NSD1: variants seen among roughly 807,000 people sequenced by gnomAD.
The protein encoded by NSD1 is nuclear receptor binding SET domain protein 1.
A neutral mutation model predicts 242.7 loss-of-function variants in NSD1; 26 were observed. That is an observed-to-expected ratio of 0.11 (90% CI 0.08 to 0.15). The LOEUF (loss-of-function observed/expected upper bound fraction) is 0.15, where lower values mean the gene tolerates loss of function less well. Ranked by LOEUF, NSD1 falls within the 10% of genes least tolerant of loss-of-function variation. NSD1 has a pLI of 1.00. For synonymous variants in NSD1, 1,106 were observed against 1,178.1 expected (o/e 0.94, Z 1.25); for missense variants, 2,495 against 3,272.8 (o/e 0.76, Z 5.80).
At chr5:177,169,474 G>C (rs1226618451) in intron 2 of NSD1, 1 of 158,488 alleles carries the variant, frequency 6.3e-6, no homozygotes, top group African/African-American at 2.4e-5. Context: ...TCAATTGGTC[G>C]TTGTCAACTT....
chr5:177,143,783 C>CT (rs11300578), intron 2 of NSD1, among the ~76,000 whole-genome samples: 1,922 of 121,102 alleles, frequency 0.016, 57 homozygotes, highest in East Asian at 0.083. Flanking sequence ...TACAAGATAA[C>CT]TTTTTTTTTT....
intron 15 of NSD1, among the ~76,000 whole-genome samples, chr5:177,268,091 G>T (rs1468598108): frequency 3.3e-5 from 5 of 151,362 alleles, no homozygotes. Flanking sequence ...TGTTTTTACA[G>T]ATTATACTCT....
At chr5:177,192,827 G>A (rs140534251) in intron 3 of NSD1, among the ~76,000 whole-genome samples, 137 of 152,286 alleles carry the variant, frequency 9.0e-4, no homozygotes, top group Middle Eastern at 3.4e-3. Flanking sequence ...CACTGTGCCC[G>A]GCTGATTTAA....
At chr5:177,213,511 A>G (rs554953365) in intron 5 of NSD1, among the ~76,000 whole-genome samples, 1 of 151,850 alleles carries the variant, frequency 6.6e-6, no homozygotes, top group Non-Finnish European at 1.5e-5. Context: ...TCTGTTACCC[A>G]GGCTGGAGTG....
chr5:177,172,928 C>T (rs1759831715), intron 2 of NSD1, among the ~76,000 whole-genome samples: 2 of 140,540 alleles, frequency 1.4e-5, no homozygotes, highest in African/African-American at 2.7e-5. Context: ...TGCCACTGTA[C>T]TCTAGCCTGG....
At chr5:177,264,902 G>T in intron 14 of NSD1, 1 of 777,910 alleles carries the variant, frequency 1.3e-6, no homozygotes. Context: ...AAAGGAATGG[G>T]TACTCTTCAA....
intron 4 of NSD1, 87 bp downstream of exon 4, chr5:177,204,379 AACTTT>A: frequency 7.8e-7 from 1 of 1,276,938 alleles, no homozygotes; most frequent in Non-Finnish European, 1.1e-6. Flanking sequence ...TTCGAGACAG[AACTTT>A]GCTCTGTTTC....
At chr5:177,267,427 G>A (rs909102922) in intron 14 of NSD1, 135 bp from the exon 15 acceptor site, 6 of 767,170 alleles carry the variant, frequency 7.8e-6, no homozygotes, top group African/African-American at 1.8e-5. Flanking sequence ...TGGTCATTAT[G>A]TGTCACTGAT....
At chr5:177,285,120 A>G (rs1484358050) in intron 20 of NSD1, among the ~76,000 whole-genome samples, 2 of 152,222 alleles carry the variant, frequency 1.3e-5, no homozygotes, top group Non-Finnish European at 2.9e-5. Flanking sequence ...TAAATCTGGT[A>G]TGGCTGAGTG....
intron 5 of NSD1, among the ~76,000 whole-genome samples, chr5:177,217,731 G>C (rs1168134090): frequency 1.4e-5 from 2 of 144,468 alleles, no homozygotes; most frequent in Admixed American, 1.4e-4. Flanking sequence ...GCAGTGGCGC[G>C]ATCTCGGCTC....
chr5:177,288,723 A>T, intron 20 of NSD1, 96 bp from the exon 21 acceptor site: 1 of 871,548 alleles, frequency 1.1e-6, no homozygotes, highest in Non-Finnish European at 2.0e-6. Context: ...TTTTAAAATT[A>T]ATCTGTTCTC....
chr5:177,136,404 C>T (rs1213560938), intron 2 of NSD1: 4 of 192,710 alleles, frequency 2.1e-5, no homozygotes, highest in Non-Finnish European at 3.2e-5. Flanking sequence ...TACTTGGAGT[C>T]CTGTTGCTAT....
intron 5 of NSD1, among the ~76,000 whole-genome samples, chr5:177,215,090 T>C (rs1763665302): frequency 6.6e-6 from 1 of 152,218 alleles, no homozygotes; most frequent in Non-Finnish European, 1.5e-5. Context: ...CATTGGTTGA[T>C]GGACATTTAG....
chr5:177,202,337 C>T lies in NSD1; in HGVS notation c.1064-1783C>T, dbSNP rs115202684. 1.9e-3 allele frequency among the ~76,000 whole-genome samples: 295 copies of T among 152,006 alleles called. 1 individual carries two copies. Among genetic ancestry groups the T allele is most frequent in the African/African-American group, 6.8e-3 (283 of 41,450 alleles). On this transcript the variant is annotated intron_variant, in intron 3 of 22. Coordinates refer to ENST00000439151, the MANE Select transcript of NSD1 (RefSeq NM_022455.5). ...GACAGTGAGTTCTTTTTTCTCCTCA[C>T]GTTGCTGGCACATCAGAAGTTCTTG...
rs1755792322 is a variant in NSD1, at chr5:177,249,947, A to AT, written c.4641+1624dup. On this transcript the variant is annotated intron_variant, in intron 11 of 22. Transcript: ENST00000439151. ...CCAAAAATACAAAAATTAGCCAGGCATGACAGTTCGTGCCTGTAATTCCCC... is the reference window on the plus strand; with the variant it reads ...CCAAAAATACAAAAATTAGCCAGGCATTGACAGTTCGTGCCTGTAATTCCCC... 2.0e-5 allele frequency among the ~76,000 whole-genome samples: 3 copies of AT among 152,184 alleles called. No homozygotes were observed. In the South Asian group the frequency reaches 6.2e-4, roughly 32 times the overall value.
chr5:177,282,165 G>A (rs944919660), intron 18 of NSD1, among the ~76,000 whole-genome samples: 2 of 152,158 alleles, frequency 1.3e-5, no homozygotes, highest in Non-Finnish European at 1.5e-5. Flanking sequence ...GGCAGGTAGA[G>A]ATTGGCCATC....
Position 177,298,878 on chromosome 5 carries a change from G to C in NSD1, c.*3419G>C, listed in dbSNP as rs1384146471. 4.3e-6 allele frequency: 1 copy of C among 233,110 alleles called. No homozygotes were observed. The highest frequency in any genetic ancestry group is 2.2e-5 in the African/African-American group (1 of 45,454). The allele number at this position is 233,110 out of a possible 1,614,324, so 14.4% of individuals were successfully genotyped here. The stretch of plus-strand genomic sequence containing the variant: ...GTCCCTATAAGGTGGATTTTACTAA[G>C]GTTTTTTAAATGATACTGTCATCCT... On this transcript the variant is annotated 3_prime_UTR_variant, in exon 23 of 23. Transcript: ENST00000439151.
chr5:177,196,267 G>A (rs1762096258), intron 3 of NSD1, among the ~76,000 whole-genome samples: 1 of 152,156 alleles, frequency 6.6e-6, no homozygotes, highest in African/African-American at 2.4e-5. Flanking sequence ...CAGAAACAAT[G>A]TATATAATTA....
chr5:177,162,099 A>T (rs1355448985), intron 2 of NSD1, among the ~76,000 whole-genome samples: 1 of 151,938 alleles, frequency 6.6e-6, no homozygotes, highest in Non-Finnish European at 1.5e-5. Context: ...AGAGTTCGAG[A>T]CTAGCCTGGC....
Sources: allele counts gnomAD v4.1 joint callset (sites outside exome capture counted in the v4.1 genomes callset), GRCh38; gene constraint gnomAD v4.1.1; transcripts MANE v1.5; gene names NCBI Gene and HGNC (gene_info 2026-07-23, HGNC 2026-07-21).